The following RNF212B variants were observed in gnomAD, a reference collection of about 807,000 sequenced individuals.
RNF212B encodes the protein ring finger protein 212B.
Under a neutral mutation model 55.5 loss-of-function variants are expected in RNF212B, and 52 were observed. The observed-to-expected ratio is 0.94, with a 90% CI of 0.75 to 1.18. RNF212B has a LOEUF of 1.18. RNF212B is among the 50% of genes most tolerant of loss of function. RNF212B has a pLI of 0.00. For synonymous variants in RNF212B, 99 were observed against 121.4 expected (o/e 0.82, Z 1.21); for missense variants, 289 against 350.4 (o/e 0.82, Z 1.40).
intron 10 of RNF212B, among the ~76,000 whole-genome samples, 152 bp from the exon 11 acceptor site, chr14:23,264,471 G>A (rs1885530541): frequency 6.6e-6 from 1 of 152,206 alleles, no homozygotes; most frequent in African/African-American, 2.4e-5. Flanking sequence ...TGTTCATTTT[G>A]GAAGGAGTAA....
intron 2 of RNF212B, among the ~76,000 whole-genome samples, chr14:23,220,378 A>G (rs1036981173): frequency 2.0e-5 from 3 of 152,112 alleles, no homozygotes; most frequent in Non-Finnish European, 4.4e-5. Context: ...CTAAAAATAC[A>G]AAAGTTAGCT....
At chr14:23,204,174 G>T (rs759628081) in intron 2 of RNF212B, among the ~76,000 whole-genome samples, 1 of 152,200 alleles carries the variant, frequency 6.6e-6, no homozygotes, top group Non-Finnish European at 1.5e-5. Context: ...TCTGTGGGTT[G>T]TCTGTTTACT....
chr14:23,225,890 A>G (rs945504180), intron 2 of RNF212B, among the ~76,000 whole-genome samples: 2 of 152,222 alleles, frequency 1.3e-5, no homozygotes, highest in Non-Finnish European at 2.9e-5. Context: ...TCGATACCCT[A>G]TCTTTCATGA....
chr14:23,232,737 G>C (rs1237687657), intron 2 of RNF212B, among the ~76,000 whole-genome samples: 1 of 144,658 alleles, frequency 6.9e-6, no homozygotes, highest in Non-Finnish European at 1.5e-5. Context: ...GGAGGGAGGT[G>C]GGGGGGTCAG....
intron 1 of RNF212B, among the ~76,000 whole-genome samples, chr14:23,238,906 G>A (rs1883350623): frequency 6.6e-6 from 1 of 151,990 alleles, no homozygotes; most frequent in South Asian, 2.1e-4. Context: ...TTTAATGTGG[G>A]AGCAAGAACT....
chr14:23,198,027 C>T (rs935351974), intron 2 of RNF212B, among the ~76,000 whole-genome samples: 1 of 152,096 alleles, frequency 6.6e-6, no homozygotes, highest in Non-Finnish European at 1.5e-5. Context: ...GAACAAATCA[C>T]AATGGTGGAA....
chr14:23,221,041 C>A (rs1881524201), intron 2 of RNF212B, among the ~76,000 whole-genome samples: 1 of 151,850 alleles, frequency 6.6e-6, no homozygotes, highest in Non-Finnish European at 1.5e-5. Context: ...ACTCTCCAAT[C>A]AAAAGTGGCT....
chr14:23,209,966 A>G (rs1880317756), intron 2 of RNF212B, among the ~76,000 whole-genome samples: 1 of 152,190 alleles, frequency 6.6e-6, no homozygotes, highest in Admixed American at 6.5e-5. Context: ...CAGCCTGGCC[A>G]ACATGATGAA....
At chr14:23,193,308 CTT>C (rs1878305739) in intron 1 of RNF212B, 1 of 152,092 alleles carries the variant, frequency 6.6e-6, no homozygotes, top group African/African-American at 2.4e-5. Flanking sequence ...ATTTACCTCT[CTT>C]GTGTTCTTTT....
At chr14:23,218,196 G>C (rs930677980) in intron 2 of RNF212B, among the ~76,000 whole-genome samples, 1 of 147,754 alleles carries the variant, frequency 6.8e-6, no homozygotes, top group African/African-American at 2.6e-5. Context: ...GTGAAACCCC[G>C]TCTCTACTAA....
intron 2 of RNF212B, among the ~76,000 whole-genome samples, chr14:23,218,758 C>A (rs2140402619): frequency 6.6e-6 from 1 of 152,218 alleles, no homozygotes; most frequent in Non-Finnish European, 1.5e-5. Flanking sequence ...AGAAAGAGAG[C>A]TAGGGGTAGA....
chr14:23,244,025 C>T (rs968478254), intron 3 of RNF212B, among the ~76,000 whole-genome samples: 7 of 151,984 alleles, frequency 4.6e-5, no homozygotes, highest in African/African-American at 1.7e-4. Flanking sequence ...TTGCAATGAG[C>T]CTAGATCACA....
intron 4 of RNF212B, among the ~76,000 whole-genome samples, chr14:23,258,103 C>A (rs554251422): frequency 6.6e-6 from 1 of 152,200 alleles, no homozygotes; most frequent in South Asian, 2.1e-4. Flanking sequence ...CTTTGGGAGG[C>A]TGAGGTGGGT....
intron 2 of RNF212B, among the ~76,000 whole-genome samples, chr14:23,209,012 C>G (rs1161046878): frequency 2.0e-5 from 3 of 152,106 alleles, no homozygotes; most frequent in East Asian, 1.9e-4. Flanking sequence ...CCCGCCTTGG[C>G]CTCCCAGAGT....
At chr14:23,213,423 A>G (rs984558165) in intron 2 of RNF212B, among the ~76,000 whole-genome samples, 1 of 152,206 alleles carries the variant, frequency 6.6e-6, no homozygotes, top group Admixed American at 6.5e-5. Context: ...TTAAGAAGTC[A>G]ATTTTTCCCA....
At chr14:23,196,222 CTGATTG>C (rs1214519065) in intron 2 of RNF212B, among the ~76,000 whole-genome samples, 1 of 152,124 alleles carries the variant, frequency 6.6e-6, no homozygotes, top group Non-Finnish European at 1.5e-5. Context: ...AAATTTCTTT[CTGATTG>C]TAACTACCAA....
At chr14:23,245,353 T>A (rs190825031) in intron 4 of RNF212B, among the ~76,000 whole-genome samples, 182 of 152,204 alleles carry the variant, frequency 1.2e-3, no homozygotes, top group Admixed American at 2.9e-3. Flanking sequence ...TATAAGTATA[T>A]TAAAATCCAG....
intron 2 of RNF212B, among the ~76,000 whole-genome samples, chr14:23,228,234 A>C (rs982534857): frequency 3.9e-5 from 6 of 152,002 alleles, no homozygotes; most frequent in Non-Finnish European, 8.8e-5. Flanking sequence ...CTCTGTCTAA[A>C]AAAAAAACTC....
In RNF212B at chr14:23,244,360, G is replaced by A. The variant is rs1883841600; in HGVS notation, c.192G>A (p.Val64=). 1 of 1,546,934 alleles carries A rather than the reference G, an allele frequency of 6.5e-7. No individual in the cohort carries two copies. The highest frequency in any genetic ancestry group is 1.4e-5 in the African/African-American group (1 of 72,980). ...PQEKMFFKSP[V]ETALQYFSHI... ...AGAAGATGTTTTTCAAAAGTCCTGT[G>A]GAGACAGCTTTGCAGTATTTTAGTC... The change falls in exon 4 of 15, where the codon GTG becomes GTA. Residue 64 remains valine (V), a synonymous_variant. Transcript: ENST00000430154.
Sources: allele counts gnomAD v4.1 joint callset (sites outside exome capture counted in the v4.1 genomes callset), GRCh38; gene constraint gnomAD v4.1.1; transcripts MANE v1.5; gene names NCBI Gene and HGNC (gene_info 2026-07-23, HGNC 2026-07-21).